The following DOCK3 variants were observed in gnomAD, a reference collection of about 807,000 sequenced individuals.
DOCK3 encodes dedicator of cytokinesis protein 3.
Under a neutral mutation model 265.6 loss-of-function variants are expected in DOCK3, and 60 were observed. That is an observed-to-expected ratio of 0.23 (90% CI 0.18 to 0.28). The LOEUF is 0.28. DOCK3 is among the 10% of genes least tolerant of loss of function. The probability of loss-of-function intolerance (pLI) is 1.00; values close to 1 mark genes in which losing one functional copy is unlikely to be tolerated. For synonymous variants in DOCK3, 881 were observed against 938.0 expected (o/e 0.94, Z 1.11); for missense variants, 1,981 against 2,594.3 (o/e 0.76, Z 5.14).
intron 12 of DOCK3, among the ~76,000 whole-genome samples, chr3:51,190,332 C>T (rs1272247038): frequency 6.6e-6 from 1 of 152,086 alleles, no homozygotes; most frequent in Non-Finnish European, 1.5e-5. Context: ...TATGACCTGT[C>T]CTCAAGTCTC....
intron 5 of DOCK3, among the ~76,000 whole-genome samples, chr3:50,943,734 G>C (rs1232310435): frequency 2.6e-5 from 4 of 152,040 alleles, no homozygotes; most frequent in Non-Finnish European, 5.9e-5. Context: ...TAAGGTAAGG[G>C]ATTATACTAC....
At chr3:50,985,099 C>T (rs1382344808) in intron 5 of DOCK3, among the ~76,000 whole-genome samples, 2 of 152,082 alleles carry the variant, frequency 1.3e-5, no homozygotes, top group Non-Finnish European at 2.9e-5. Context: ...AAAATAGAAC[C>T]ACATTATATG....
chr3:50,762,938 C>T (rs1576363702), intron 1 of DOCK3, among the ~76,000 whole-genome samples: 6 of 151,124 alleles, frequency 4.0e-5, no homozygotes, highest in Admixed American at 4.0e-4. Flanking sequence ...GATTAGTGTT[C>T]TTTTTTAAGC....
chr3:50,800,526 C>T (rs2043019398), intron 2 of DOCK3, among the ~76,000 whole-genome samples: 1 of 151,798 alleles, frequency 6.6e-6, no homozygotes, highest in Non-Finnish European at 1.5e-5. Flanking sequence ...TCCTGTTGTG[C>T]TGTCTCATTT....
chr3:50,875,308 G>C (rs1468400836), intron 3 of DOCK3, among the ~76,000 whole-genome samples: 1 of 152,172 alleles, frequency 6.6e-6, no homozygotes, highest in Non-Finnish European at 1.5e-5. Context: ...TTGCCTGTTT[G>C]TGCTGGCTAA....
intron 14 of DOCK3, 53 bp from the exon 15 acceptor site, chr3:51,225,596 T>G: frequency 6.4e-7 from 1 of 1,565,458 alleles, no homozygotes; most frequent in Non-Finnish European, 8.6e-7. Context: ...TCTGTGAAAA[T>G]GGGGCAGTAT....
intron 1 of DOCK3, among the ~76,000 whole-genome samples, chr3:50,698,737 G>A (rs1263061330): frequency 1.3e-5 from 2 of 151,266 alleles, no homozygotes; most frequent in East Asian, 3.9e-4. Context: ...ATCTCATTGT[G>A]GTTTTAATTT....
chr3:51,246,435 T>C (rs1308872999), intron 21 of DOCK3, among the ~76,000 whole-genome samples: 1 of 152,120 alleles, frequency 6.6e-6, no homozygotes, highest in East Asian at 1.9e-4. Context: ...GGTTTCGCCA[T>C]GTTCCCCAGA....
At chr3:50,788,362 A>G (rs2042291735) in intron 2 of DOCK3, 1 of 239,350 alleles carries the variant, frequency 4.2e-6, no homozygotes, top group African/African-American at 2.3e-5. Context: ...ATTAAGACTA[A>G]AATATTTTTC....
At chr3:50,820,158 G>GC (rs1559682204) in intron 2 of DOCK3, among the ~76,000 whole-genome samples, 1 of 152,082 alleles carries the variant, frequency 6.6e-6, no homozygotes, top group South Asian at 2.1e-4. Context: ...CCGCTGCTCT[G>GC]TCTGTAGAGT....
intron 23 of DOCK3, among the ~76,000 whole-genome samples, chr3:51,267,385 CTTT>C (rs111513994): frequency 2.2e-5 from 3 of 136,652 alleles, no homozygotes; most frequent in Admixed American, 1.5e-4. Context: ...TTTTTTCTTT[CTTT>C]TTTTTTTTTT....
chr3:50,792,434 A>T (rs2042528105), intron 2 of DOCK3, among the ~76,000 whole-genome samples: 1 of 152,000 alleles, frequency 6.6e-6, no homozygotes, highest in Non-Finnish European at 1.5e-5. Flanking sequence ...TCCTATTTGG[A>T]TGCTGTTTAT....
intron 2 of DOCK3, among the ~76,000 whole-genome samples, chr3:50,815,064 C>T (rs2043998405): frequency 6.6e-6 from 1 of 152,120 alleles, no homozygotes; most frequent in Non-Finnish European, 1.5e-5. Context: ...ACCTTGTGAT[C>T]TGCCTTCCTT....
At chr3:50,984,350 G>A (rs1559899260) in intron 5 of DOCK3, among the ~76,000 whole-genome samples, 1 of 152,144 alleles carries the variant, frequency 6.6e-6, no homozygotes, top group Non-Finnish European at 1.5e-5. Context: ...TTTCATGATG[G>A]TACATACCAT....
rs542575376 is a variant in DOCK3 at position 51,296,761 on chromosome 3, T to C, written c.2923-13471T>C. 7.2e-5 allele frequency among the ~76,000 whole-genome samples: 11 copies of C among 152,180 alleles called. No homozygotes were observed. The South Asian group carries it at 2.1e-3, about 29-fold the overall frequency. On this transcript the variant is annotated intron_variant, in intron 27 of 52. Coordinates refer to ENST00000266037, the MANE Select transcript of DOCK3 (RefSeq NM_004947.5). ...AAAGTAAATTGATTTTTTATAATACTGCCAAGATAATTCAGTAAGGAAAGA... is the reference window on the plus strand; with the variant it reads ...AAAGTAAATTGATTTTTTATAATACCGCCAAGATAATTCAGTAAGGAAAGA...
chr3:50,747,170 T>A (rs2039499336), intron 1 of DOCK3, among the ~76,000 whole-genome samples: 1 of 152,242 alleles, frequency 6.6e-6, no homozygotes, highest in African/African-American at 2.4e-5. Context: ...TATTAGTCTG[T>A]ATTTACCACA....
chr3:50,816,255 C>T (rs1369744528), intron 2 of DOCK3, among the ~76,000 whole-genome samples: 2 of 149,298 alleles, frequency 1.3e-5, no homozygotes, highest in Non-Finnish European at 3.0e-5. Flanking sequence ...TTTTTCCATT[C>T]TCAGATTTTT....
At chr3:51,025,745 TC>T (rs2079787061) in intron 5 of DOCK3, among the ~76,000 whole-genome samples, 1 of 152,200 alleles carries the variant, frequency 6.6e-6, no homozygotes, top group Non-Finnish European at 1.5e-5. Flanking sequence ...AGGAATCACT[TC>T]CCTTGGTTCA....
intron 3 of DOCK3, chr3:50,881,236 C>G (rs567998692): frequency 5.9e-5 from 9 of 152,206 alleles, no homozygotes; most frequent in Admixed American, 5.9e-4. Flanking sequence ...GATGCCCTCT[C>G]TCACCACTCC....
Sources: allele counts gnomAD v4.1 joint callset (sites outside exome capture counted in the v4.1 genomes callset), GRCh38; gene constraint gnomAD v4.1.1; transcripts MANE v1.5; gene names NCBI Gene and HGNC (gene_info 2026-07-23, HGNC 2026-07-21).